The following SNX29 variants were observed in gnomAD, a reference collection of about 807,000 sequenced individuals.
The protein encoded by SNX29 is sorting nexin 29.
A neutral mutation model predicts 102.1 loss-of-function variants in SNX29; 78 were observed. That is an observed-to-expected ratio of 0.76 (90% CI 0.64 to 0.92). The LOEUF is 0.92. Ranked by LOEUF, SNX29 falls within the 40% of genes least tolerant of loss-of-function variation. The probability of loss-of-function intolerance (pLI) is 0.00; values close to 1 mark genes in which losing one functional copy is unlikely to be tolerated. For synonymous variants in SNX29, 580 were observed against 414.5 expected (o/e 1.40, Z -4.85); for missense variants, 1,280 against 1,061.7 (o/e 1.21, Z -2.86).
intron 20 of SNX29, among the ~76,000 whole-genome samples, chr16:12,559,840 G>A (rs549136416): frequency 1.3e-5 from 2 of 152,072 alleles, no homozygotes; most frequent in Non-Finnish European, 2.9e-5. Context: ...GCATTCTAAT[G>A]CCAGACTGCT....
intron 13 of SNX29, among the ~76,000 whole-genome samples, chr16:12,164,943 C>G (rs1459159750): frequency 6.6e-6 from 1 of 152,192 alleles, no homozygotes; most frequent in Non-Finnish European, 1.5e-5. Context: ...CCACCTTGAT[C>G]TCCCAAAGTG....
At chr16:12,557,100 C>G (rs554389676) in intron 20 of SNX29, among the ~76,000 whole-genome samples, 1 of 151,264 alleles carries the variant, frequency 6.6e-6, no homozygotes, top group East Asian at 2.0e-4. Flanking sequence ...CTAGCTGCCT[C>G]AACCTCCGAA....
chr16:12,511,633 C>T (rs973416574), intron 19 of SNX29, among the ~76,000 whole-genome samples: 3 of 152,158 alleles, frequency 2.0e-5, no homozygotes, highest in Non-Finnish European at 2.9e-5. Flanking sequence ...ATTGTAGATG[C>T]GCGATCAGGT....
intron 15 of SNX29, among the ~76,000 whole-genome samples, chr16:12,333,632 G>A (rs1408562439): frequency 6.6e-6 from 1 of 152,064 alleles, no homozygotes; most frequent in East Asian, 1.9e-4. Context: ...GTGATGAAGA[G>A]GGTGTGATTT....
At chr16:12,568,319 G>GAAAA (rs2079100583) in intron 20 of SNX29, among the ~76,000 whole-genome samples, 187 bp from the exon 21 acceptor site, 1 of 104,148 alleles carries the variant, frequency 9.6e-6, no homozygotes, top group African/African-American at 3.5e-5. Context: ...AAAAAAAAAT[G>GAAAA]GAAAGGTTTA....
intron 14 of SNX29, among the ~76,000 whole-genome samples, chr16:12,214,420 C>T (rs1477015886): frequency 6.6e-6 from 1 of 152,216 alleles, no homozygotes; most frequent in Non-Finnish European, 1.5e-5. Context: ...TGGGAGCTGA[C>T]AGGTGGCTTG....
intron 13 of SNX29, among the ~76,000 whole-genome samples, chr16:12,142,032 G>A (rs1176835965): frequency 6.6e-6 from 1 of 152,152 alleles, no homozygotes; most frequent in Non-Finnish European, 1.5e-5. Flanking sequence ...GACCCAGACT[G>A]TCCCCACGGC....
At chr16:12,051,512 C>G (rs1438669967) in intron 7 of SNX29, among the ~76,000 whole-genome samples, 1 of 152,154 alleles carries the variant, frequency 6.6e-6, no homozygotes, top group East Asian at 1.9e-4. Flanking sequence ...CTCCTGGTCT[C>G]ATCTACCAGC....
chr16:12,565,822 G>A (rs1198120952), intron 20 of SNX29, among the ~76,000 whole-genome samples: 2 of 152,006 alleles, frequency 1.3e-5, no homozygotes, highest in African/African-American at 4.8e-5. Flanking sequence ...CTCACTTCTG[G>A]TCACCCTCCA....
chr16:12,093,950 CAT>C, intron 11 of SNX29: 1 of 152,182 alleles, frequency 6.6e-6, no homozygotes, highest in Non-Finnish European at 1.5e-5. Flanking sequence ...GGTAATTGCA[CAT>C]AGTGTCTGGG....
At chr16:12,191,034 G>A (rs994093977) in intron 13 of SNX29, among the ~76,000 whole-genome samples, 1 of 152,160 alleles carries the variant, frequency 6.6e-6, no homozygotes, top group Admixed American at 6.5e-5. Context: ...GACTGGTTGC[G>A]TGGAAGACAA....
intron 18 of SNX29, among the ~76,000 whole-genome samples, chr16:12,464,714 G>T (rs28872315): frequency 1.3e-5 from 2 of 152,118 alleles, no homozygotes; most frequent in Non-Finnish European, 2.9e-5. Flanking sequence ...CTCAGCCTCC[G>T]AAAGAGTTGG....
chr16:12,435,826 C>T (rs2085508664), intron 18 of SNX29, among the ~76,000 whole-genome samples: 1 of 152,186 alleles, frequency 6.6e-6, no homozygotes, highest in Non-Finnish European at 1.5e-5. Flanking sequence ...GGCTTCTGGG[C>T]CTTGGGCAGG....
chr16:12,129,980 T>G (rs1224740998), intron 13 of SNX29, among the ~76,000 whole-genome samples: 1 of 150,732 alleles, frequency 6.6e-6, no homozygotes, highest in Non-Finnish European at 1.5e-5. Context: ...GGCGGGTGCC[T>G]GTAGTCCCAG....
intron 20 of SNX29, among the ~76,000 whole-genome samples, chr16:12,538,658 G>C (rs1477261609): frequency 6.6e-6 from 1 of 152,158 alleles, no homozygotes; most frequent in East Asian, 1.9e-4. Context: ...GAAACAGAAA[G>C]ATCCACAGAT....
intron 20 of SNX29, among the ~76,000 whole-genome samples, chr16:12,562,659 G>C (rs919460346): frequency 6.6e-6 from 1 of 152,114 alleles, no homozygotes; most frequent in South Asian, 2.1e-4. Flanking sequence ...GTTTTATGTC[G>C]GGAAAGTCTA....
intron 13 of SNX29, among the ~76,000 whole-genome samples, chr16:12,178,741 T>C (rs2076317294): frequency 6.6e-6 from 1 of 152,200 alleles, no homozygotes. Context: ...TCAGACAGTG[T>C]GTGTAGTTTT....
chr16:12,527,945 C>G (rs998876836), intron 20 of SNX29, among the ~76,000 whole-genome samples: 2 of 151,528 alleles, frequency 1.3e-5, no homozygotes, highest in African/African-American at 4.9e-5. Context: ...CTGCTTCAGC[C>G]TCCCGAGTAG....
intron 20 of SNX29, among the ~76,000 whole-genome samples, chr16:12,567,043 T>C (rs976327971): frequency 6.6e-6 from 1 of 152,240 alleles, no homozygotes; most frequent in African/African-American, 2.4e-5. Context: ...CTGAGATACA[T>C]GAAGATGCTA....
Sources: gnomAD v4.1 joint callset for allele counts (sites outside exome capture counted in the v4.1 genomes callset) on GRCh38, gnomAD v4.1.1 for gene constraint, MANE v1.5 for transcripts, NCBI Gene and HGNC (gene_info 2026-07-23, HGNC 2026-07-21) for gene names.